DMD: variants seen among roughly 807,000 people sequenced by gnomAD.
DMD encodes the protein mutant dystrophin.
DMD carries 63 observed loss-of-function variants against 330.1 expected under a neutral mutation model. The observed-to-expected ratio is 0.19, with a 90% CI of 0.16 to 0.24. The LOEUF (loss-of-function observed/expected upper bound fraction) is 0.24. Ranked by LOEUF, DMD falls within the 10% of genes least tolerant of loss-of-function variation. The pLI, the probability that DMD is intolerant of heterozygous loss-of-function variation, is 1.00. For missense variants in DMD, 3,344 were observed against 2,684.1 expected (o/e 1.25, Z -5.43); for synonymous variants, 1,223 against 959.8 (o/e 1.27, Z -5.07).
At chrX:32,325,205 G>A (rs2097644868) in intron 41 of DMD, among the ~76,000 whole-genome samples, 1 of 110,827 alleles carries the variant, frequency 9.0e-6, no homozygotes, top group Non-Finnish European at 1.9e-5. Context: ...AGACTAAATT[G>A]TAGACTTTTT....
intron 61 of DMD, among the ~76,000 whole-genome samples, chrX:31,334,788 G>A (rs145672773): frequency 0.011 from 1,230 of 111,723 alleles, 16 homozygotes; most frequent in African/African-American, 0.038. Context: ...ACCCTTCCTC[G>A]TCTGGCCCTT....
chrX:33,188,142 G>T (rs1440494188), intron 1 of DMD, among the ~76,000 whole-genome samples: 2 of 110,913 alleles, frequency 1.8e-5, no homozygotes, highest in Non-Finnish European at 3.8e-5. Context: ...GTTTTCTGCA[G>T]TTGTGATGAT....
chrX:31,855,822 T>C (rs1318880725), intron 48 of DMD, among the ~76,000 whole-genome samples: 1 of 111,763 alleles, frequency 8.9e-6, no homozygotes, highest in Non-Finnish European at 1.9e-5. Context: ...GTTTCTGAAA[T>C]CAAGAAAAAG....
At chrX:32,977,100 T>G (rs1488221695) in intron 2 of DMD, among the ~76,000 whole-genome samples, 1 of 110,987 alleles carries the variant, frequency 9.0e-6, no homozygotes, top group Non-Finnish European at 1.9e-5. Flanking sequence ...GAGACCAGCC[T>G]GGCCAACGTG....
At chrX:32,923,486 G>A (rs1456020110) in intron 2 of DMD, among the ~76,000 whole-genome samples, 12 of 109,827 alleles carry the variant, frequency 1.1e-4, no homozygotes, top group South Asian at 3.9e-4. Flanking sequence ...GCTTAACCCC[G>A]GGAGCCAGAG....
chrX:32,140,058 C>T (rs1245318466), intron 44 of DMD, among the ~76,000 whole-genome samples: 1 of 112,152 alleles, frequency 8.9e-6, no homozygotes, highest in Admixed American at 9.5e-5. Flanking sequence ...TTGTTCCACC[C>T]TTGTTTTTGT....
chrX:32,584,927 C>A (rs1345806641), intron 13 of DMD, among the ~76,000 whole-genome samples: 40 of 110,735 alleles, frequency 3.6e-4, no homozygotes, highest in Non-Finnish European at 5.7e-5. Context: ...TTAAAAAGTA[C>A]CATAAAGTTT....
Position 32,816,563 on chromosome X carries a change from T to A in DMD, c.435A>T (p.Arg145=). 8.3e-7 allele frequency: 1 copy of A among 1,211,659 alleles called. No individual in the cohort carries two copies. Among genetic ancestry groups the A allele is most frequent in the Non-Finnish European group, 1.1e-6 (1 of 895,302 alleles). ...CCTGTGGATAATTACGAGTTGATTG[T>A]CGGACCCAGCTCAGGAGAATCTTTT... ...NSEKILLSWV[R]QSTRNYPQVN... Residue 145 remains arginine, a synonymous_variant, in exon 6 of 79, where the codon CGA becomes CGT. Coordinates refer to ENST00000357033, the MANE Select transcript of DMD (RefSeq NM_004006.3).
At chrX:31,178,918 G>T in intron 69 of DMD, 113 bp from the exon 70 acceptor site, 1 of 955,997 alleles carries the variant, frequency 1.0e-6, no homozygotes, top group Non-Finnish European at 1.5e-6. Context: ...AGAGTGTTGT[G>T]GTTGTGAGCA....
intron 11 of DMD, among the ~76,000 whole-genome samples, chrX:32,628,535 T>G (rs2058523918): frequency 9.2e-6 from 1 of 109,120 alleles, no homozygotes; most frequent in Non-Finnish European, 1.9e-5. Context: ...TGTTCCTTAC[T>G]GTAATATTTA....
intron 7 of DMD, among the ~76,000 whole-genome samples, chrX:32,787,533 C>A (rs926084142): frequency 3.6e-5 from 4 of 110,764 alleles, no homozygotes; most frequent in Admixed American, 1.9e-4. Context: ...TGTCTGAAAC[C>A]ACAAATAGGC....
At position 32,026,396 on chromosome X, in the gene DMD, T is replaced by A. The variant is rs923986668; in HGVS notation, c.6439-57882A>T. On this transcript the variant is annotated intron_variant, in intron 44 of 78. Transcript: ENST00000357033. ...TGATCTTGGTGAAGTGTTGATCCAA[T>A]CTCATTCCACAATGGGACTTAATTT... Among the ~76,000 whole-genome samples, 5 of 112,177 alleles carry A rather than the reference T, an allele frequency of 4.5e-5. No individual in the cohort carries two copies. In the Admixed American group the frequency reaches 4.7e-4, roughly 11 times the overall value.
intron 52 of DMD, among the ~76,000 whole-genome samples, chrX:31,688,065 C>T (rs1489476165): frequency 9.1e-6 from 1 of 109,662 alleles, no homozygotes; most frequent in African/African-American, 3.3e-5. Context: ...GGCAGACAGC[C>T]TATTTGAAAA....
At chrX:32,668,175 G>A (rs982909608) in intron 9 of DMD, among the ~76,000 whole-genome samples, 3 of 110,507 alleles carry the variant, frequency 2.7e-5, no homozygotes, top group Non-Finnish European at 5.7e-5. Context: ...ACACTTAAAT[G>A]ACATACATTT....
Position 31,120,794 on chromosome X carries a change from C to A in DMD, c.*1125G>T, listed in dbSNP as rs1238048824. 1 of 110,516 alleles carries A rather than the reference C, an allele frequency of 9.0e-6. No individual in the cohort carries two copies. The highest frequency in any genetic ancestry group is 1.9e-5 in the Non-Finnish European group (1 of 52,866). The allele number at this position is 110,516 out of a possible 1,213,427, so 9.1% of individuals were successfully genotyped here. A position where few individuals can be genotyped will look rare whatever the true frequency, so the allele number is the denominator to read the frequency against. The stretch of plus-strand genomic sequence containing the variant: ...TTCTGATGTTCACAAGGTCAGAATA[C>A]CTTCTGATTGATTTCCACTGAAGCA... On this transcript the variant is annotated 3_prime_UTR_variant, in exon 79 of 79. Coordinates refer to ENST00000357033, the MANE Select transcript of DMD (RefSeq NM_004006.3).
intron 17 of DMD, among the ~76,000 whole-genome samples, chrX:32,535,754 T>C (rs1466639019): frequency 9.0e-6 from 1 of 111,573 alleles, no homozygotes; most frequent in Non-Finnish European, 1.9e-5. Flanking sequence ...TGATTTTGTT[T>C]TTCTGACAAG....
intron 44 of DMD, among the ~76,000 whole-genome samples, chrX:32,174,423 C>G (rs1414252779): frequency 8.9e-6 from 1 of 112,286 alleles, no homozygotes; most frequent in African/African-American, 3.2e-5. Context: ...TGAGAGTCTG[C>G]AAACTGCAGC....
At chrX:33,212,821 A>C (rs2051968617), upstream of DMD, among the ~76,000 whole-genome samples, 1 of 111,782 alleles carries the variant, frequency 8.9e-6, no homozygotes, top group African/African-American at 3.2e-5. Context: ...GGTTGTCTAA[A>C]TATGCATATA....
intron 37 of DMD, 114 bp from the exon 38 acceptor site, chrX:32,348,642 T>A: frequency 2.9e-6 from 2 of 679,313 alleles, no homozygotes; most frequent in Non-Finnish European, 4.3e-6. Flanking sequence ...ATGCATTATG[T>A]TTCCATATTA....
Sources: gnomAD v4.1 joint callset for allele counts (sites outside exome capture counted in the v4.1 genomes callset) on GRCh38, gnomAD v4.1.1 for gene constraint, MANE v1.5 for transcripts, NCBI Gene and HGNC (gene_info 2026-07-23, HGNC 2026-07-21) for gene names.